GRK5: variants seen among roughly 807,000 people sequenced by gnomAD.
GRK5 encodes the protein G protein-coupled receptor kinase 5.
GRK5 carries 40 observed loss-of-function variants against 78.4 expected under a neutral mutation model. The observed-to-expected ratio is 0.51, with a 90% CI of 0.40 to 0.66. The LOEUF (loss-of-function observed/expected upper bound fraction) is 0.66. GRK5 is among the 30% of genes least tolerant of loss of function. GRK5 has a pLI of 0.00. For synonymous variants in GRK5, 289 were observed against 296.8 expected (o/e 0.97, Z 0.27); for missense variants, 598 against 759.9 (o/e 0.79, Z 2.50).
At chr10:119,247,159 C>T (rs546991181) in intron 1 of GRK5, among the ~76,000 whole-genome samples, 2 of 152,238 alleles carry the variant, frequency 1.3e-5, no homozygotes, top group East Asian at 1.9e-4. Context: ...CCCAGGCCAG[C>T]GGAGGGCGGA....
At chr10:119,351,520 C>A (rs1430093137) in intron 2 of GRK5, among the ~76,000 whole-genome samples, 1 of 152,134 alleles carries the variant, frequency 6.6e-6, no homozygotes, top group Non-Finnish European at 1.5e-5. Context: ...ATGTGCCTTT[C>A]CTCTTCTGCC....
chr10:119,367,896 T>G (rs1404207058), intron 2 of GRK5, among the ~76,000 whole-genome samples: 2 of 152,222 alleles, frequency 1.3e-5, no homozygotes, highest in Non-Finnish European at 2.9e-5. Flanking sequence ...TCCAGCTGCT[T>G]TTGGCCAGCA....
At chr10:119,272,259 T>A (rs965892208) in intron 1 of GRK5, among the ~76,000 whole-genome samples, 5 of 152,172 alleles carry the variant, frequency 3.3e-5, no homozygotes, top group African/African-American at 9.7e-5. Flanking sequence ...TACTTGTTAC[T>A]CAGAGCTTTT....
intron 1 of GRK5, among the ~76,000 whole-genome samples, chr10:119,313,327 TGGTGGTGGTGATGGGGAG>T (rs888428118): frequency 3.5e-4 from 53 of 151,696 alleles, no homozygotes; most frequent in African/African-American, 9.2e-4. Flanking sequence ...GCAATGGCAG[TGGTGGTGGTGATGGGGAG>T]GGTGGTGGTG....
chr10:119,425,220 A>G, intron 6 of GRK5, 135 bp downstream of exon 6: 1 of 633,070 alleles, frequency 1.6e-6, no homozygotes, highest in Non-Finnish European at 2.9e-6. Flanking sequence ...CCTGTTAATT[A>G]AGTTGTGTAT....
chr10:119,315,336 G>A (rs1183171250), intron 1 of GRK5, among the ~76,000 whole-genome samples: 1 of 152,180 alleles, frequency 6.6e-6, no homozygotes, highest in Non-Finnish European at 1.5e-5. Context: ...TTGGGATCTC[G>A]CCTTGTTCGG....
chr10:119,207,793 G>A lies in GRK5; in HGVS notation c.-125G>A. The A allele has an allele frequency of 1.1e-6, 1 of 887,788 alleles. No individual in the cohort carries two copies. The highest frequency in any genetic ancestry group is 3.2e-4 in the Middle Eastern group (1 of 3,096). 55.0% of individuals were successfully genotyped at this position (887,788 alleles called of 1,614,324 possible). On this transcript the variant is annotated 5_prime_UTR_variant, in exon 1 of 16. Transcript: ENST00000392870. ...GAGCAGGAATAATGCGGTAGGCAAG[G>A]CGGGCTGCTGGCTCCCCCGGCTCCG...
chr10:119,400,338 T>C (rs1852128308), intron 4 of GRK5, among the ~76,000 whole-genome samples: 1 of 152,184 alleles, frequency 6.6e-6, no homozygotes, highest in African/African-American at 2.4e-5. Context: ...AGGAGGAAGC[T>C]GGACACAAAA....
intron 2 of GRK5, among the ~76,000 whole-genome samples, chr10:119,331,289 T>A (rs1214540707): frequency 6.6e-6 from 1 of 152,096 alleles, no homozygotes; most frequent in African/African-American, 2.4e-5. Context: ...AGGCTCTGTG[T>A]GTGAGTGCCG....
chr10:119,313,176 G>GTGATGGTGATGA (rs1648818495), intron 1 of GRK5, among the ~76,000 whole-genome samples: 1 of 150,506 alleles, frequency 6.6e-6, no homozygotes, highest in Admixed American at 6.6e-5. Flanking sequence ...AGTGGTGGTG[G>GTGATGGTGATGA]TGATGGTGAT....
intron 4 of GRK5, among the ~76,000 whole-genome samples, chr10:119,401,815 C>T (rs890844301): frequency 1.3e-5 from 2 of 152,152 alleles, no homozygotes; most frequent in African/African-American, 4.8e-5. Flanking sequence ...CCTCCAGCTG[C>T]AGAGGGCTGG....
chr10:119,212,659 A>G (rs1848507210), intron 1 of GRK5, among the ~76,000 whole-genome samples: 1 of 152,212 alleles, frequency 6.6e-6, no homozygotes, highest in Non-Finnish European at 1.5e-5. Context: ...AAAGCATTAT[A>G]ATGTCTAGAC....
chr10:119,394,413 T>TG (rs1167735900), intron 3 of GRK5, among the ~76,000 whole-genome samples: 1 of 89,810 alleles, frequency 1.1e-5, no homozygotes, highest in African/African-American at 4.7e-5. Context: ...GGCATGTGTG[T>TG]GGGGGTGTGT....
At chr10:119,218,171 A>G (rs1343492526) in intron 1 of GRK5, among the ~76,000 whole-genome samples, 1 of 151,720 alleles carries the variant, frequency 6.6e-6, no homozygotes, top group East Asian at 1.9e-4. Flanking sequence ...AGAGCCATGC[A>G]CTTCCTTGGG....
chr10:119,442,065 G>T lies in GRK5; in HGVS notation c.1034G>T (p.Arg345Leu), dbSNP rs1414195283. 1.2e-6 allele frequency: 2 copies of T among 1,613,814 alleles called. No individual in the cohort carries two copies. Among genetic ancestry groups the T allele is most frequent in the African/African-American group, 2.7e-5 (2 of 74,908 alleles). Residue 345 changes from arginine to leucine, a missense_variant, in exon 11 of 16, where the codon CGG becomes CTG. Transcript: ENST00000392870. The stretch of plus-strand genomic sequence containing the variant: ...CCCGAGGGAGACCTGATCCGCGGCC[G>T]GGTGGGCACTGTTGGCTACATGGGT... The part of the protein sequence containing the change: ...KIPEGDLIRG[R>L]VGTVGYMAPE...
chr10:119,236,639 T>C (rs1848936929), intron 1 of GRK5, among the ~76,000 whole-genome samples: 1 of 152,178 alleles, frequency 6.6e-6, no homozygotes, highest in East Asian at 1.9e-4. Flanking sequence ...TGTCTGCAGT[T>C]AATTTTTTTC....
chr10:119,387,478 A>G lies in GRK5; in HGVS notation c.261+6551A>G, dbSNP rs1168713228. 2.6e-5 allele frequency among the ~76,000 whole-genome samples: 4 copies of G among 152,134 alleles called. No homozygotes were observed. In the East Asian group the frequency reaches 7.7e-4, roughly 29 times the overall value. On this transcript the variant is annotated intron_variant, in intron 3 of 15. Coordinates refer to ENST00000392870, the MANE Select transcript of GRK5 (RefSeq NM_005308.3). ...ATCAAGGGTCTTCCAGGAACCTGAG[A>G]AAGACTTTTCTCCTGCCACTGCCAC...
rs940841638 is a variant in GRK5 at position 119,457,756 on chromosome 10, G to A, written c.*2689G>A. On this transcript the variant is annotated 3_prime_UTR_variant, in exon 16 of 16. Transcript: ENST00000392870. ...GGCTGAAGTGCAGTGGCATGATTCT[G>A]GCTCACTGCAGCCTCAAACTCCTGA... is the stretch of plus-strand genomic sequence containing the variant. 6.8e-6 allele frequency: 1 copy of A among 146,838 alleles called. No homozygotes were observed. Among genetic ancestry groups the A allele is most frequent in the African/African-American group, 2.5e-5 (1 of 39,366 alleles). 9.1% of individuals were successfully genotyped at this position (146,838 alleles called of 1,614,324 possible).
chr10:119,435,176 G>C (rs1375113708), intron 8 of GRK5, among the ~76,000 whole-genome samples: 1 of 152,238 alleles, frequency 6.6e-6, no homozygotes, highest in Non-Finnish European at 1.5e-5. Flanking sequence ...CCTGTGATGG[G>C]AGGGGCTGCT....
Sources: gnomAD v4.1 joint callset for allele counts (sites outside exome capture counted in the v4.1 genomes callset) on GRCh38, gnomAD v4.1.1 for gene constraint, MANE v1.5 for transcripts, NCBI Gene and HGNC (gene_info 2026-07-23, HGNC 2026-07-21) for gene names.